The following CUL5 variants were observed in gnomAD, a reference collection of about 807,000 sequenced individuals.
The protein encoded by CUL5 is cullin-5.
A neutral mutation model predicts 108.8 loss-of-function variants in CUL5; 26 were observed. The ratio of observed to expected loss-of-function variants is 0.24; its 90% confidence interval spans 0.18 to 0.33. CUL5 has a LOEUF of 0.33. Among genes scored for constraint, CUL5 ranks in the 10% least tolerant of loss-of-function variants. The probability of loss-of-function intolerance (pLI) is 1.00; values close to 1 mark genes in which losing one functional copy is unlikely to be tolerated. For missense variants in CUL5, 524 were observed against 909.2 expected, an observed-to-expected ratio of 0.58 and a Z score of 5.45; for synonymous variants, 334 against 298.0, an observed-to-expected ratio of 1.12 and a Z score of -1.25.
At chr11:108,053,464 T>A (rs1863288844) in intron 5 of CUL5, among the ~76,000 whole-genome samples, 1 of 152,198 alleles carries the variant, frequency 6.6e-6, no homozygotes, top group Non-Finnish European at 1.5e-5. Flanking sequence ...ATTCTTTTAG[T>A]TATCAAGCCT....
chr11:108,067,771 T>G (rs1863722170), intron 7 of CUL5, among the ~76,000 whole-genome samples: 1 of 152,236 alleles, frequency 6.6e-6, no homozygotes, highest in Non-Finnish European at 1.5e-5. Context: ...TTACCTATGC[T>G]CAATCTGGTT....
At chr11:108,098,026 C>T (rs1240591133) in intron 17 of CUL5, among the ~76,000 whole-genome samples, 1 of 152,122 alleles carries the variant, frequency 6.6e-6, no homozygotes, top group African/African-American at 2.4e-5. Flanking sequence ...CAACTTTATT[C>T]AGAGAAAGCG....
At chr11:108,046,777 GTATTGC>G (rs1449242665) in intron 3 of CUL5, among the ~76,000 whole-genome samples, 1 of 151,906 alleles carries the variant, frequency 6.6e-6, no homozygotes, top group Non-Finnish European at 1.5e-5. Context: ...ACTGTCCTTT[GTATTGC>G]TGTTGCTGAG....
At chr11:108,029,391 A>G (rs1352165168) in intron 1 of CUL5, among the ~76,000 whole-genome samples, 1 of 152,240 alleles carries the variant, frequency 6.6e-6, no homozygotes, top group Non-Finnish European at 1.5e-5. Context: ...TTGTAGACCT[A>G]CTAGCAACTG....
In CUL5 at chr11:108,107,022, A is replaced by G. The variant is rs191891906; in HGVS notation, c.*2638A>G. ...AGACATAAGACAGAGTTTAAGAAGTAAAAATATAGAAAAATTTTGATGGTC... is the reference window on the plus strand; with the variant it reads ...AGACATAAGACAGAGTTTAAGAAGTGAAAATATAGAAAAATTTTGATGGTC... On this transcript the variant is annotated 3_prime_UTR_variant, in exon 19 of 19. Coordinates refer to ENST00000393094, the MANE Select transcript of CUL5 (RefSeq NM_003478.6). 9 of 150,858 alleles carry G rather than the reference A, an allele frequency of 6.0e-5. No homozygotes were observed. Among genetic ancestry groups the G allele is most frequent in the East Asian group, 3.9e-4 (2 of 5,154 alleles). 9.3% of individuals were successfully genotyped at this position (150,858 alleles called of 1,614,324 possible).
intron 16 of CUL5, among the ~76,000 whole-genome samples, chr11:108,096,404 A>G (rs1322114601): frequency 6.6e-6 from 1 of 150,474 alleles, no homozygotes; most frequent in Non-Finnish European, 1.5e-5. Flanking sequence ...AGGTGGGAAG[A>G]TTGCTTGAGC....
At chr11:108,032,765 G>A (rs1174763901) in intron 1 of CUL5, among the ~76,000 whole-genome samples, 1 of 151,934 alleles carries the variant, frequency 6.6e-6, no homozygotes, top group Non-Finnish European at 1.5e-5. Flanking sequence ...TGGTAAGATT[G>A]GCCTGGAGTT....
intron 2 of CUL5, among the ~76,000 whole-genome samples, chr11:108,036,031 GA>G (rs1300583488): frequency 6.6e-6 from 1 of 152,150 alleles, no homozygotes; most frequent in Admixed American, 6.5e-5. Flanking sequence ...CTTGTCTTAG[GA>G]TCCAACTTGA....
At chr11:108,081,336 G>A (rs949647802) in intron 11 of CUL5, among the ~76,000 whole-genome samples, 1 of 152,128 alleles carries the variant, frequency 6.6e-6, no homozygotes, top group African/African-American at 2.4e-5. Context: ...TTACATTTAA[G>A]TCATTGATCC....
intron 1 of CUL5, among the ~76,000 whole-genome samples, chr11:108,023,586 A>G (rs12416788): frequency 0.11 from 16,920 of 152,238 alleles, 1,106 homozygotes; most frequent in Non-Finnish European, 0.15. Context: ...TCGGGAGTCC[A>G]TGTACTACAG....
chr11:108,059,922 G>A (rs868041914), intron 7 of CUL5, among the ~76,000 whole-genome samples: 37 of 151,788 alleles, frequency 2.4e-4, no homozygotes, highest in African/African-American at 8.0e-4. Flanking sequence ...TTTTGTATTA[G>A]CAGAATTAAA....
At position 108,089,583 on chromosome 11, in the gene CUL5, C is replaced by T. The variant is rs1482602838; in HGVS notation, c.1403C>T (p.Ala468Val). 1.3e-6 allele frequency: 2 copies of T among 1,551,124 alleles called. No homozygotes were observed. The highest frequency in any genetic ancestry group is 2.2e-5 in the Admixed American group (1 of 44,532). The change falls in exon 13 of 19, where the codon GCC becomes GTC. Residue 468 changes from alanine to valine, a missense_variant. Physicochemically the swap from Ala to Val is moderately conservative, Grantham distance 64. This residue lies in a region of CUL5 where 76 missense variants were observed against 168.3 expected (regional missense o/e 0.45). Transcript: ENST00000393094. Reference sequence around the variant, plus strand: ...CGACGTCTTATATTAGACATCTCTGCCGATAGTGAAATTGAAGAAAACATG... The same window carrying T: ...CGACGTCTTATATTAGACATCTCTGTCGATAGTGAAATTGAAGAAAACATG... ...LTRRLILDIS[A>V]DSEIEENMVE...
At chr11:108,011,332 A>C (rs899864679) in intron 1 of CUL5, among the ~76,000 whole-genome samples, 4 of 152,226 alleles carry the variant, frequency 2.6e-5, no homozygotes, top group African/African-American at 9.6e-5. Flanking sequence ...TGTGGAAGCT[A>C]CTTTGGTTCA....
At chr11:108,032,771 G>A (rs1430626464) in intron 1 of CUL5, among the ~76,000 whole-genome samples, 1 of 151,852 alleles carries the variant, frequency 6.6e-6, no homozygotes, top group Non-Finnish European at 1.5e-5. Flanking sequence ...GATTGGCCTG[G>A]AGTTTCCATT....
At chr11:108,050,853 C>G (rs951523310) in intron 4 of CUL5, among the ~76,000 whole-genome samples, 1 of 152,062 alleles carries the variant, frequency 6.6e-6, no homozygotes, top group Non-Finnish European at 1.5e-5. Context: ...AAAATTGTGT[C>G]AAGTAACCAG....
intron 2 of CUL5, among the ~76,000 whole-genome samples, chr11:108,038,656 CAA>C (rs546477610): frequency 1.7e-3 from 244 of 142,022 alleles, no homozygotes; most frequent in Non-Finnish European, 2.9e-3. Context: ...GCCTGGGAAA[CAA>C]GAGCAAAACT....
rs1487802342 is a variant in CUL5, at chr11:108,050,385, A to T, written c.411+319A>T. ...TTCTTTGTACTCTTTTTTTTTTTTT[A>T]AACTGGAGTGTCACTCTGTCGCCTA... On this transcript the variant is annotated intron_variant, in intron 4 of 18. Transcript: ENST00000393094. 8.3e-5 allele frequency among the ~76,000 whole-genome samples: 12 copies of T among 144,252 alleles called. No individual in the cohort carries two copies. The South Asian group carries it at 1.7e-3, about 21-fold the overall frequency. The allele number at this position is 144,252 out of a possible 152,430, so 94.6% of individuals were successfully genotyped here. A position where few individuals can be genotyped will look rare whatever the true frequency, so the allele number is the denominator to read the frequency against.
intron 7 of CUL5, among the ~76,000 whole-genome samples, chr11:108,061,242 G>A (rs1863525006): frequency 6.6e-6 from 1 of 152,060 alleles, no homozygotes; most frequent in African/African-American, 2.4e-5. Context: ...TATATATTTA[G>A]GATCAACTAT....
chr11:108,041,651 C>T (rs777284221), intron 2 of CUL5, among the ~76,000 whole-genome samples: 3 of 151,850 alleles, frequency 2.0e-5, no homozygotes, highest in South Asian at 2.1e-4. Flanking sequence ...AGTGCAGTAG[C>T]GTGATCTCGG....
Sources: allele counts gnomAD v4.1 joint callset (sites outside exome capture counted in the v4.1 genomes callset), GRCh38; gene constraint gnomAD v4.1.1; regional missense constraint gnomAD v4.1.1; transcripts MANE v1.5; gene names NCBI Gene and HGNC (gene_info 2026-07-23, HGNC 2026-07-21).